GPHN: variants seen among roughly 807,000 people sequenced by gnomAD.
The protein encoded by GPHN is gephyrin.
Under a neutral mutation model 95.5 loss-of-function variants are expected in GPHN, and 17 were observed. The ratio of observed to expected loss-of-function variants is 0.18; its 90% CI spans 0.12 to 0.27. The LOEUF is 0.27. GPHN is among the 10% of genes least tolerant of loss of function. The pLI is 1.00. For missense variants in GPHN, 660 were observed against 978.1 expected (o/e 0.67, Z 4.34); for synonymous variants, 320 against 322.5 (o/e 0.99, Z 0.08).
intron 3 of GPHN, among the ~76,000 whole-genome samples, chr14:66,777,952 T>C (rs2059445253): frequency 6.6e-6 from 1 of 152,064 alleles, no homozygotes; most frequent in South Asian, 2.1e-4. Flanking sequence ...CTATTCAACA[T>C]AGTGTTGGAA....
At chr14:67,134,246 A>G (rs1028603657) in intron 17 of GPHN, among the ~76,000 whole-genome samples, 1 of 152,124 alleles carries the variant, frequency 6.6e-6, no homozygotes, top group Non-Finnish European at 1.5e-5. Flanking sequence ...AGCACATTCT[A>G]TTGTTCGATG....
chr14:67,310,042 G>A, the GPHN span, among the ~76,000 whole-genome samples: 1 of 132,010 alleles, frequency 7.6e-6, no homozygotes, highest in African/African-American at 3.3e-5. Context: ...AAGTATTATT[G>A]ATAGGATGGT....
intron 9 of GPHN, among the ~76,000 whole-genome samples, chr14:67,017,258 T>C (rs1402545264): frequency 5.3e-5 from 8 of 152,114 alleles, no homozygotes. Flanking sequence ...AAGTGATGCA[T>C]GAATGGAACC....
At chr14:67,661,278 C>CAA in the GPHN span, among the ~76,000 whole-genome samples, 9,267 of 55,702 alleles carry the variant, frequency 0.17, 872 homozygotes, top group East Asian at 0.23. Context: ...AGGGCTAGAG[C>CAA]AAAAAAAAAA....
At chr14:67,624,586 C>T in the GPHN span, among the ~76,000 whole-genome samples, 1 of 152,110 alleles carries the variant, frequency 6.6e-6, no homozygotes, top group Non-Finnish European at 1.5e-5. Context: ...AACCGGATCT[C>T]ATGAGAACTC....
rs111251890 is a variant in GPHN at position 66,944,255 on chromosome 14, C to T, written c.828+19963C>T. ...GACTCAGAGAAAGGAAAATCCAAGG[C>T]GGTTCATGGAGGGGAAGAGAATCAA... On this transcript the variant is annotated intron_variant, in intron 8 of 22. Transcript: ENST00000478722. Among the ~76,000 whole-genome samples the T allele has an allele frequency of 3.4e-3, 511 of 152,230 alleles. 11 individuals are homozygous for T. The highest frequency in any genetic ancestry group is 0.011 in the African/African-American group (476 of 41,530).
At chr14:66,550,069 AT>A (rs2059757528) in intron 1 of GPHN, among the ~76,000 whole-genome samples, 1 of 152,196 alleles carries the variant, frequency 6.6e-6, no homozygotes, top group African/African-American at 2.4e-5. Flanking sequence ...CCCAACATCC[AT>A]TTTGCAGCCC....
chr14:67,415,609 G>A, the GPHN span, among the ~76,000 whole-genome samples: 8 of 152,256 alleles, frequency 5.3e-5, no homozygotes, highest in East Asian at 1.9e-4. Context: ...GTCTCACTGC[G>A]TCTACGCCAG....
intron 17 of GPHN, among the ~76,000 whole-genome samples, chr14:67,134,739 C>T (rs1301396561): frequency 6.6e-6 from 1 of 151,804 alleles, no homozygotes; most frequent in African/African-American, 2.4e-5. Flanking sequence ...CATCAAATCC[C>T]GTTTTGACAT....
chr14:66,652,525 GT>G (rs3033900), intron 1 of GPHN, among the ~76,000 whole-genome samples: 5 of 149,748 alleles, frequency 3.3e-5, no homozygotes, highest in Non-Finnish European at 4.4e-5. Context: ...TTTTTTGTGG[GT>G]TTTTTTTTCT....
chr14:66,848,468 A>T (rs1226905501), intron 4 of GPHN, among the ~76,000 whole-genome samples: 5 of 152,110 alleles, frequency 3.3e-5, no homozygotes, highest in Admixed American at 6.6e-5. Context: ...GAAGGTTAGT[A>T]ACTACATGGT....
chr14:67,251,519 A>G, the GPHN span, among the ~76,000 whole-genome samples: 1 of 152,172 alleles, frequency 6.6e-6, no homozygotes, highest in Non-Finnish European at 1.5e-5. Flanking sequence ...GTCAACAGCA[A>G]CAGAACGAGA....
At chr14:67,619,802 A>G in the GPHN span, 1 of 547,592 alleles carries the variant, frequency 1.8e-6, no homozygotes, top group Non-Finnish European at 3.2e-6. Flanking sequence ...GGGCCTGCGA[A>G]GAAGGTGTGC....
intron 2 of GPHN, among the ~76,000 whole-genome samples, chr14:66,739,906 G>T (rs1045002310): frequency 2.0e-5 from 3 of 152,042 alleles, no homozygotes; most frequent in Non-Finnish European, 4.4e-5. Context: ...ACAGCAAACT[G>T]TAAAAATGTC....
At chr14:67,517,871 T>C in the GPHN span, among the ~76,000 whole-genome samples, 1 of 152,238 alleles carries the variant, frequency 6.6e-6, no homozygotes, top group African/African-American at 2.4e-5. Context: ...TCAGGTCTTC[T>C]GGTACCCCTT....
intron 3 of GPHN, among the ~76,000 whole-genome samples, chr14:66,804,421 C>T (rs1197739098): frequency 6.6e-6 from 1 of 152,180 alleles, no homozygotes; most frequent in East Asian, 1.9e-4. Flanking sequence ...TTATTATGAA[C>T]AATGCAAAAG....
chr14:66,615,028 C>A (rs1159582660), intron 1 of GPHN, among the ~76,000 whole-genome samples: 1 of 152,166 alleles, frequency 6.6e-6, no homozygotes, highest in African/African-American at 2.4e-5. Flanking sequence ...ATTCATGTCC[C>A]TGCAAAAGAC....
At chr14:67,647,811 G>A in the GPHN span, 1 of 522,268 alleles carries the variant, frequency 1.9e-6, no homozygotes, top group Non-Finnish European at 3.4e-6. Context: ...GAGTTAGTCT[G>A]TCTGAGGTAT....
At chr14:67,280,845 TTCCTTCCTTCCCTCCCTCCC>T in the GPHN span, among the ~76,000 whole-genome samples, 3 of 113,322 alleles carry the variant, frequency 2.6e-5, no homozygotes, top group South Asian at 5.5e-4. Flanking sequence ...CCTTCCTTCC[TTCCTTCCTTCCCTCCCTCCC>T]TCCCTCCCTC....
Sources: gnomAD v4.1 joint callset for allele counts (sites outside exome capture counted in the v4.1 genomes callset) on GRCh38, gnomAD v4.1.1 for gene constraint, MANE v1.5 for transcripts, NCBI Gene and HGNC (gene_info 2026-07-23, HGNC 2026-07-21) for gene names.